Variants in CRTC3 observed in about 807,000 individuals in gnomAD.
CRTC3 encodes the protein CREB-regulated transcription coactivator 3.
In CRTC3, 26 loss-of-function variants were observed where a neutral mutation model predicts 74.5. The observed-to-expected ratio is 0.35, with a 90% CI of 0.26 to 0.48. The LOEUF (loss-of-function observed/expected upper bound fraction) is 0.48, where lower values mean the gene tolerates loss of function less well. CRTC3 is among the 20% of genes least tolerant of loss of function. The pLI is 0.99. For synonymous variants in CRTC3, 377 were observed against 325.8 expected (o/e 1.16, Z -1.69); for missense variants, 760 against 787.3 (o/e 0.97, Z 0.41).
Position 90,625,893 on chromosome 15 carries a change from C to T in CRTC3, c.867C>T (p.Ser289=). The T allele has an allele frequency of 1.2e-6, 2 of 1,614,194 alleles. No individual in the cohort carries two copies. The highest frequency in any genetic ancestry group is 1.7e-6 in the Non-Finnish European group (2 of 1,180,036). The change falls in exon 10 of 15, where the codon TCC becomes TCT. Residue 289 remains serine, a synonymous_variant. Coordinates refer to ENST00000268184, the MANE Select transcript of CRTC3 (RefSeq NM_022769.5). ...NLHYSTPLPA[S]LDTTDHHFGS... ...ACTACTCGACACCCCTGCCAGCCTC[C>T]CTGGACACCACCGACCACCACTTTG...
At chr15:90,614,351 A>G (rs1340249288) in intron 6 of CRTC3, 102 bp from the exon 7 acceptor site, 4 of 856,160 alleles carry the variant, frequency 4.7e-6, no homozygotes, top group African/African-American at 1.7e-5. Flanking sequence ...AGAATTTTCA[A>G]AATTCTATTT....
chr15:90,537,400 T>G (rs1414612192), intron 1 of CRTC3, among the ~76,000 whole-genome samples: 1 of 152,192 alleles, frequency 6.6e-6, no homozygotes, highest in African/African-American at 2.4e-5. Flanking sequence ...GTGCTTTTTG[T>G]TTTTTTAGAG....
chr15:90,550,282 G>A (rs565072362), intron 2 of CRTC3, among the ~76,000 whole-genome samples: 1 of 151,736 alleles, frequency 6.6e-6, no homozygotes, highest in South Asian at 2.1e-4. Context: ...TACAAAATTA[G>A]CCGGGCATGG....
chr15:90,620,656 A>G (rs574732019), intron 9 of CRTC3, among the ~76,000 whole-genome samples: 3 of 152,256 alleles, frequency 2.0e-5, no homozygotes, highest in African/African-American at 4.8e-5. Flanking sequence ...GAGAGCCCCA[A>G]GGAGGCTTCC....
intron 9 of CRTC3, among the ~76,000 whole-genome samples, chr15:90,624,236 G>A (rs974799319): frequency 4.6e-5 from 7 of 151,982 alleles, no homozygotes; most frequent in Admixed American, 1.3e-4. Context: ...ATTCTCCTCC[G>A]CGTCACCCTC....
At chr15:90,629,187 G>A (rs773835632) in intron 10 of CRTC3, 47 bp from the exon 11 acceptor site, 75 of 1,560,094 alleles carry the variant, frequency 4.8e-5, no homozygotes, top group Admixed American at 1.3e-4. Flanking sequence ...GAATACAAAA[G>A]ATTTGGTCTG....
intron 2 of CRTC3, among the ~76,000 whole-genome samples, chr15:90,580,825 G>A (rs191323872): frequency 6.6e-6 from 1 of 152,178 alleles, no homozygotes; most frequent in East Asian, 1.9e-4. Flanking sequence ...GAGATTAAAT[G>A]GAGAATCTGG....
chr15:90,634,805 C>T, intron 11 of CRTC3: 1 of 1,430,806 alleles, frequency 7.0e-7, no homozygotes, highest in Non-Finnish European at 9.8e-7. Flanking sequence ...AAACTGTAAC[C>T]AAAGGAGGCA....
chr15:90,630,635 T>C (rs1275003736), intron 11 of CRTC3, among the ~76,000 whole-genome samples: 1 of 152,076 alleles, frequency 6.6e-6, no homozygotes, highest in Non-Finnish European at 1.5e-5. Context: ...AAGCCCATTA[T>C]AGAAACACAG....
At chr15:90,639,640 G>A (rs1436525682) in intron 13 of CRTC3, among the ~76,000 whole-genome samples, 1 of 151,092 alleles carries the variant, frequency 6.6e-6, no homozygotes, top group African/African-American at 2.4e-5. Flanking sequence ...AGTAGAGATG[G>A]GGTTTCACTT....
At chr15:90,574,549 G>A (rs1192326833) in intron 2 of CRTC3, among the ~76,000 whole-genome samples, 1 of 152,112 alleles carries the variant, frequency 6.6e-6, no homozygotes, top group Non-Finnish European at 1.5e-5. Context: ...ACATATACAG[G>A]TATAGCTGCA....
intron 1 of CRTC3, among the ~76,000 whole-genome samples, chr15:90,533,950 A>C (rs1418020840): frequency 6.6e-6 from 1 of 152,040 alleles, no homozygotes; most frequent in Non-Finnish European, 1.5e-5. Context: ...AGGGGATGTG[A>C]GATGAGGCTG....
chr15:90,577,191 T>C (rs1012184435), intron 2 of CRTC3, among the ~76,000 whole-genome samples: 2 of 152,148 alleles, frequency 1.3e-5, no homozygotes, highest in African/African-American at 4.8e-5. Flanking sequence ...CCATTATAAG[T>C]GCTGGGATTA....
intron 2 of CRTC3, among the ~76,000 whole-genome samples, chr15:90,545,805 C>G (rs1966843343): frequency 6.6e-6 from 1 of 151,842 alleles, no homozygotes; most frequent in Admixed American, 6.6e-5. Context: ...GTCTCCATCT[C>G]CTGACTTTGT....
intron 1 of CRTC3, among the ~76,000 whole-genome samples, chr15:90,531,547 A>G (rs1347486374): frequency 6.6e-6 from 1 of 152,190 alleles, no homozygotes; most frequent in African/African-American, 2.4e-5. Context: ...GAGAAAAAAT[A>G]TATATATAGA....
chr15:90,642,078 G>A lies in CRTC3; in HGVS notation c.1798G>A (p.Asp600Asn). Residue 600 changes from aspartate (D) to asparagine (N), a missense_variant, in exon 15 of 15, where the codon GAC becomes AAC. Around this residue, in one of 2 missense-constraint regions of CRTC3, gnomAD observed 652 missense variants for 635.2 expected, o/e 1.03. Coordinates refer to ENST00000268184, the MANE Select transcript of CRTC3 (RefSeq NM_022769.5). Reference sequence around the variant, plus strand: ...CCTGGACGGACTCAACATGTTAAGTGACTCCAGCATGGGCCTGCTGGACCC... The same window carrying A: ...CCTGGACGGACTCAACATGTTAAGTAACTCCAGCATGGGCCTGCTGGACCC... ...LSLDGLNMLS[D>N]SSMGLLDPSV... is the part of the protein sequence containing the mutation. The A allele has an allele frequency of 6.2e-7, 1 of 1,614,042 alleles. No individual in the cohort carries two copies. Among genetic ancestry groups the A allele is most frequent in the Non-Finnish European group, 8.5e-7 (1 of 1,180,022 alleles).
intron 11 of CRTC3, among the ~76,000 whole-genome samples, chr15:90,633,788 T>G (rs763797804): frequency 5.9e-5 from 9 of 152,136 alleles, no homozygotes; most frequent in Admixed American, 2.0e-4. Context: ...CTCTTTTGCT[T>G]CTCTGTGGTT....
At chr15:90,641,685 C>CAAAAAAAAAAAAAAAAAAAAAA (rs11294553) in intron 14 of CRTC3, among the ~76,000 whole-genome samples, 5 of 132,862 alleles carry the variant, frequency 3.8e-5, no homozygotes, top group African/African-American at 1.4e-4. Flanking sequence ...CAACAGTCTC[C>CAAAAAAAAAAAAAAAAAAAAAA]AAAAAAAAAA....
rs1014640309 is a variant in CRTC3 at position 90,642,684 on chromosome 15, C to T, written c.*544C>T. The T allele has an allele frequency of 1.3e-4, 31 of 232,154 alleles. No individual in the cohort carries two copies. Among genetic ancestry groups the T allele is most frequent in the East Asian group, 4.3e-4 (7 of 16,238 alleles). The allele number at this position is 232,154 out of a possible 1,614,324, so 14.4% of individuals were successfully genotyped here. On this transcript the variant is annotated 3_prime_UTR_variant, in exon 15 of 15. Coordinates refer to ENST00000268184, the MANE Select transcript of CRTC3 (RefSeq NM_022769.5). The stretch of plus-strand genomic sequence containing the variant: ...ACGGCTCTCTCCCACGCCTGGATTA[C>T]GACATGAAGTTTTTACCACAAGCCC...
Sources: allele counts gnomAD v4.1 joint callset (sites outside exome capture counted in the v4.1 genomes callset), GRCh38; gene constraint gnomAD v4.1.1; regional missense constraint gnomAD v4.1.1; transcripts MANE v1.5; gene names NCBI Gene and HGNC (gene_info 2026-07-23, HGNC 2026-07-21).